The following FOXP2 variants were observed in gnomAD, a reference collection of about 807,000 sequenced individuals.
FOXP2 encodes the protein forkhead box P2.
A neutral mutation model predicts 115.8 loss-of-function variants in FOXP2; 12 were observed. That is an observed-to-expected ratio of 0.10 (90% CI 0.07 to 0.17). The LOEUF is 0.17. FOXP2 is among the 10% of genes least tolerant of loss of function. The pLI is 1.00. For missense variants in FOXP2, 629 were observed against 843.5 expected (o/e 0.75, Z 3.15); for synonymous variants, 328 against 297.7 (o/e 1.10, Z -1.05).
At chr7:114,507,207 G>A (rs949239497) in intron 2 of FOXP2, among the ~76,000 whole-genome samples, 15 of 151,644 alleles carry the variant, frequency 9.9e-5, no homozygotes, top group Non-Finnish European at 1.5e-4. Flanking sequence ...CTAAGAAGCC[G>A]TGTATCTAAT....
intron 1 of FOXP2, among the ~76,000 whole-genome samples, chr7:114,134,597 C>T (rs1791981379): frequency 6.7e-6 from 1 of 150,350 alleles, no homozygotes; most frequent in South Asian, 2.1e-4. Flanking sequence ...CCTGTAGTCC[C>T]AGCTACTTGG....
At chr7:114,218,301 G>T (rs998752189) in intron 1 of FOXP2, among the ~76,000 whole-genome samples, 7 of 152,060 alleles carry the variant, frequency 4.6e-5, no homozygotes, top group African/African-American at 1.7e-4. Flanking sequence ...ACATCTCTCT[G>T]CCCACACGTT....
At chr7:114,130,201 T>C (rs1472436031) in intron 1 of FOXP2, among the ~76,000 whole-genome samples, 2 of 152,162 alleles carry the variant, frequency 1.3e-5, no homozygotes, top group Non-Finnish European at 2.9e-5. Flanking sequence ...CATGTACCTG[T>C]AGCCCCAGCT....
At chr7:114,484,369 C>G (rs1010309065) in intron 2 of FOXP2, among the ~76,000 whole-genome samples, 6 of 151,822 alleles carry the variant, frequency 4.0e-5, no homozygotes, top group South Asian at 4.1e-4. Context: ...ACAAAGTTAT[C>G]TTAACCTTTT....
chr7:114,600,379 T>C lies in FOXP2; in HGVS notation c.259-28161T>C, dbSNP rs369758302. ...TCAGTTTTTTTTCACTGAATGATAA[T>C]CCCATTATGTGGATGTATCAGTTTG... On this transcript the variant is annotated intron_variant, in intron 3 of 16. Transcript: ENST00000350908. 1.6e-4 allele frequency among the ~76,000 whole-genome samples: 24 copies of C among 152,330 alleles called. 1 individual carries two copies. The highest frequency in any genetic ancestry group is 5.8e-4 in the African/African-American group (24 of 41,576).
At chr7:114,261,937 A>T (rs1206107488) in intron 1 of FOXP2, among the ~76,000 whole-genome samples, 2 of 152,136 alleles carry the variant, frequency 1.3e-5, no homozygotes, top group Admixed American at 6.5e-5. Context: ...GGCCACCTGT[A>T]ATCCCAGCAA....
chr7:114,283,042 C>G (rs1255110914), intron 1 of FOXP2, among the ~76,000 whole-genome samples: 1 of 152,128 alleles, frequency 6.6e-6, no homozygotes, highest in African/African-American at 2.4e-5. Context: ...CATTACCAAA[C>G]AGTTAAATTT....
chr7:114,268,025 C>G (rs887456955), intron 1 of FOXP2, among the ~76,000 whole-genome samples: 13 of 152,014 alleles, frequency 8.6e-5, no homozygotes, highest in Admixed American at 2.6e-4. Context: ...TTTGACTACT[C>G]TATGTATTTC....
At chr7:114,282,444 C>T (rs1326024232) in intron 1 of FOXP2, among the ~76,000 whole-genome samples, 3 of 152,144 alleles carry the variant, frequency 2.0e-5, no homozygotes, top group Non-Finnish European at 4.4e-5. Flanking sequence ...TTTATTCCCT[C>T]CTTTGAACAA....
chr7:114,502,660 G>A (rs972730820), intron 2 of FOXP2, among the ~76,000 whole-genome samples: 2 of 151,884 alleles, frequency 1.3e-5, no homozygotes, highest in African/African-American at 2.4e-5. Flanking sequence ...TAAACAGGCT[G>A]GTGTTTTCTT....
At chr7:114,470,622 C>T (rs970182260) in intron 2 of FOXP2, among the ~76,000 whole-genome samples, 1 of 152,104 alleles carries the variant, frequency 6.6e-6, no homozygotes, top group Admixed American at 6.5e-5. Flanking sequence ...ATGAATTTTT[C>T]AGACTACTGC....
intron 2 of FOXP2, among the ~76,000 whole-genome samples, chr7:114,523,980 T>C (rs193059974): frequency 6.6e-6 from 1 of 152,320 alleles, no homozygotes; most frequent in East Asian, 1.9e-4. Context: ...GCTTACTTTT[T>C]CTAACTAGAG....
intron 6 of FOXP2, among the ~76,000 whole-genome samples, chr7:114,632,977 A>G (rs921407242): frequency 4.7e-4 from 71 of 152,224 alleles, no homozygotes; most frequent in African/African-American, 1.7e-3. Flanking sequence ...AAAAGAAAAG[A>G]GTTTATAAAA....
At chr7:114,660,931 A>G (rs1365790681) in intron 13 of FOXP2, among the ~76,000 whole-genome samples, 1 of 152,108 alleles carries the variant, frequency 6.6e-6, no homozygotes, top group South Asian at 2.1e-4. Flanking sequence ...TTCTAACTAT[A>G]TCGCATGCAT....
At chr7:114,516,882 G>A (rs1278285796) in intron 2 of FOXP2, among the ~76,000 whole-genome samples, 1 of 152,028 alleles carries the variant, frequency 6.6e-6, no homozygotes, top group Non-Finnish European at 1.5e-5. Context: ...TTTTAGTAGA[G>A]ATGGGGTTTC....
chr7:114,447,257 C>A (rs1415235339), intron 2 of FOXP2, among the ~76,000 whole-genome samples: 1 of 152,104 alleles, frequency 6.6e-6, no homozygotes, highest in African/African-American at 2.4e-5. Context: ...CTAATAACAT[C>A]AATAGCCTCT....
intron 1 of FOXP2, among the ~76,000 whole-genome samples, chr7:114,208,528 T>C (rs1563005963): frequency 6.6e-6 from 1 of 152,102 alleles, no homozygotes; most frequent in East Asian, 1.9e-4. Context: ...TGGGAAGGCA[T>C]ACTTGGTTTT....
At chr7:114,497,100 G>T (rs1032787488) in intron 2 of FOXP2, among the ~76,000 whole-genome samples, 1 of 152,126 alleles carries the variant, frequency 6.6e-6, no homozygotes, top group Non-Finnish European at 1.5e-5. Flanking sequence ...AAGTTGATAG[G>T]TAAATTTCAA....
chr7:114,413,149 T>C (rs1793206409), upstream of FOXP2, among the ~76,000 whole-genome samples: 1 of 152,148 alleles, frequency 6.6e-6, no homozygotes, highest in African/African-American at 2.4e-5. Flanking sequence ...ATTTGACTGA[T>C]GTGATAATGG....
Sources: allele counts gnomAD v4.1 joint callset (sites outside exome capture counted in the v4.1 genomes callset), GRCh38; gene constraint gnomAD v4.1.1; transcripts MANE v1.5; gene names NCBI Gene and HGNC (gene_info 2026-07-23, HGNC 2026-07-21).